Variants in RAD51B observed in about 807,000 individuals in gnomAD.
RAD51B encodes RAD51 paralog B.
Under a neutral mutation model 42.2 loss-of-function variants are expected in RAD51B, and 38 were observed. The observed-to-expected ratio is 0.90, with a 90% CI of 0.70 to 1.18. RAD51B has a LOEUF of 1.18. Among genes scored for constraint, RAD51B ranks in the 50% most tolerant of loss-of-function variants. The pLI, the probability that RAD51B is intolerant of heterozygous loss-of-function variation, is 0.00. For synonymous variants in RAD51B, 154 were observed against 145.2 expected (o/e 1.06, Z -0.43); for missense variants, 373 against 400.7 (o/e 0.93, Z 0.59).
At chr14:68,394,793 C>T (rs1566854922) in intron 8 of RAD51B, among the ~76,000 whole-genome samples, 1 of 152,220 alleles carries the variant, frequency 6.6e-6, no homozygotes, top group Admixed American at 6.5e-5. Context: ...AAGACCAGCA[C>T]TGGGCTGACC....
chr14:68,204,294 G>C (rs962520933), intron 7 of RAD51B, among the ~76,000 whole-genome samples: 2 of 152,188 alleles, frequency 1.3e-5, no homozygotes, highest in African/African-American at 4.8e-5. Flanking sequence ...AGGGAATAGA[G>C]AGGCCCAAGG....
At chr14:67,987,471 T>C (rs1395057322) in intron 7 of RAD51B, among the ~76,000 whole-genome samples, 4 of 152,202 alleles carry the variant, frequency 2.6e-5, no homozygotes, top group African/African-American at 9.7e-5. Flanking sequence ...AGATACATTG[T>C]AGCCTTTAGA....
At chr14:68,454,120 G>C (rs117799428) in intron 9 of RAD51B, among the ~76,000 whole-genome samples, 1,630 of 152,276 alleles carry the variant, frequency 0.011, 12 homozygotes, top group South Asian at 0.019. Context: ...ATCATTTGCT[G>C]TTTTCAATTT....
intron 10 of RAD51B, among the ~76,000 whole-genome samples, chr14:68,590,941 G>A (rs897082031): frequency 1.3e-5 from 2 of 152,228 alleles, no homozygotes; most frequent in African/African-American, 4.8e-5. Flanking sequence ...CTCACTAGGC[G>A]ACTGCTCCTA....
At chr14:67,849,488 G>T (rs2041732855) in intron 4 of RAD51B, among the ~76,000 whole-genome samples, 2 of 152,084 alleles carry the variant, frequency 1.3e-5, no homozygotes, top group African/African-American at 4.8e-5. Flanking sequence ...TCACCATGTT[G>T]GTCAGGCTGA....
intron 5 of RAD51B, among the ~76,000 whole-genome samples, chr14:67,874,465 A>G (rs11158700): frequency 0.32 from 48,257 of 151,492 alleles, 8,279 homozygotes; most frequent in Middle Eastern, 0.46. Flanking sequence ...GTGTTAGTGT[A>G]TTTTATATGT....
intron 10 of RAD51B, among the ~76,000 whole-genome samples, chr14:68,579,371 T>C (rs1890111177): frequency 6.6e-6 from 1 of 152,186 alleles, no homozygotes; most frequent in South Asian, 2.1e-4. Context: ...GAGCACAGAA[T>C]GTAACGTAGG....
intron 10 of RAD51B, among the ~76,000 whole-genome samples, chr14:68,607,527 C>T (rs768436558): frequency 2.0e-5 from 3 of 152,196 alleles, no homozygotes; most frequent in Non-Finnish European, 4.4e-5. Flanking sequence ...CCTCAGCCCA[C>T]GTCCGCCCTT....
intron 7 of RAD51B, among the ~76,000 whole-genome samples, chr14:68,083,704 G>T (rs1041666334): frequency 2.0e-5 from 3 of 152,138 alleles, no homozygotes; most frequent in Non-Finnish European, 2.9e-5. Context: ...TAGAAAAAAA[G>T]TAAGTTGCCA....
rs1327874931 is a variant in RAD51B, at chr14:68,444,274, G to C, written c.958-23898G>C. Among the ~76,000 whole-genome samples, 5 of 152,312 alleles carry C rather than the reference G, an allele frequency of 3.3e-5. No homozygotes were observed. The East Asian group carries it at 5.8e-4, about 18-fold the overall frequency. On this transcript the variant is annotated intron_variant, in intron 9 of 10. Coordinates refer to ENST00000471583, the MANE Select transcript of RAD51B (RefSeq NM_133510.4). ...CTCCAAAGATGACAAGCTACTGTTT[G>C]TAACTTCAGTATTCTCTTGTGCGAA...
intron 7 of RAD51B, among the ~76,000 whole-genome samples, chr14:68,099,306 A>G (rs752971772): frequency 5.9e-5 from 9 of 152,228 alleles, no homozygotes; most frequent in Non-Finnish European, 1.3e-4. Context: ...TTAGGTGTTC[A>G]TGTCTTTGAC....
chr14:68,355,776 A>G (rs1198782011), intron 8 of RAD51B, among the ~76,000 whole-genome samples: 2 of 152,228 alleles, frequency 1.3e-5, no homozygotes, highest in East Asian at 3.8e-4. Flanking sequence ...GAATGTGCAT[A>G]TTATACTTCC....
chr14:68,016,906 TA>T (rs1358627973), intron 7 of RAD51B, among the ~76,000 whole-genome samples: 1 of 152,140 alleles, frequency 6.6e-6, no homozygotes, highest in African/African-American at 2.4e-5. Context: ...GAAAATGCCA[TA>T]AAGTTAAATG....
chr14:68,450,311 C>T (rs149428181), intron 9 of RAD51B, among the ~76,000 whole-genome samples: 1,971 of 146,724 alleles, frequency 0.013, 41 homozygotes, highest in African/African-American at 0.046. Flanking sequence ...GTCCACCTCC[C>T]GGGTTCAAAC....
At chr14:68,653,210 G>C (rs1308393724) in intron 11 of RAD51B, among the ~76,000 whole-genome samples, 1 of 152,178 alleles carries the variant, frequency 6.6e-6, no homozygotes, top group Non-Finnish European at 1.5e-5. Context: ...ATTGAAAGCT[G>C]GGTGCCTCGG....
At chr14:67,962,439 A>G (rs1466726672) in intron 7 of RAD51B, among the ~76,000 whole-genome samples, 1 of 152,198 alleles carries the variant, frequency 6.6e-6, no homozygotes, top group Non-Finnish European at 1.5e-5. Flanking sequence ...TCAGTCATGT[A>G]AGCAAAAGCA....
Position 68,441,398 on chromosome 14 carries a change from C to T in RAD51B, c.958-26774C>T, listed in dbSNP as rs79208239. Among the ~76,000 whole-genome samples the T allele has an allele frequency of 8.4e-5, 12 of 143,056 alleles. 1 individual carries two copies. The highest frequency in any genetic ancestry group is 2.5e-4 in the African/African-American group (10 of 39,372). The allele number at this position is 143,056 out of a possible 152,430, so 93.9% of individuals were successfully genotyped here. On this transcript the variant is annotated intron_variant, in intron 9 of 10. Transcript: ENST00000471583. The stretch of plus-strand genomic sequence containing the variant: ...TCTAGTAAAAAAACAAAAAATTAGC[C>T]GGGCGCGGTGGCAGGCACCTGTAGT...
intron 7 of RAD51B, among the ~76,000 whole-genome samples, chr14:68,037,455 G>A (rs529256188): frequency 9.3e-4 from 141 of 151,762 alleles, no homozygotes; most frequent in Non-Finnish European, 1.3e-3. Flanking sequence ...TTCTGACCTC[G>A]TGATCTGCCT....
Position 68,278,660 on chromosome 14 carries a change from A to ATTTG in RAD51B, c.757-13208_757-13205dup, listed in dbSNP as rs557350497. The stretch of plus-strand genomic sequence containing the variant: ...GTAGAGGGCTGAAAGAGCCAGTTAC[A>ATTTG]TTTGTTTGTTTGTTTGTTTTGTTTT... On this transcript the variant is annotated intron_variant, in intron 7 of 10. Transcript: ENST00000471583. 2.0e-4 allele frequency among the ~76,000 whole-genome samples: 31 copies of ATTTG among 152,300 alleles called. 1 individual carries two copies. In the South Asian group the frequency reaches 3.3e-3, roughly 16 times the overall value.
Sources: allele counts gnomAD v4.1 joint callset (sites outside exome capture counted in the v4.1 genomes callset), GRCh38; gene constraint gnomAD v4.1.1; transcripts MANE v1.5; gene names NCBI Gene and HGNC (gene_info 2026-07-23, HGNC 2026-07-21).